MAP4K4: variants seen among roughly 807,000 people sequenced by gnomAD.
The protein encoded by MAP4K4 is HPK/GCK-like kinase HGK.
MAP4K4 carries 38 observed loss-of-function variants against 189.6 expected under a neutral mutation model. The observed-to-expected ratio is 0.20, with a 90% CI of 0.15 to 0.26. The LOEUF (loss-of-function observed/expected upper bound fraction) is 0.26, where lower values mean the gene tolerates loss of function less well. MAP4K4 is among the 10% of genes least tolerant of loss of function. The pLI, the probability that MAP4K4 is intolerant of heterozygous loss-of-function variation, is 1.00. For synonymous variants in MAP4K4, 610 were observed against 624.3 expected (o/e 0.98, Z 0.34); for missense variants, 1,054 against 1,726.9 (o/e 0.61, Z 6.91).
At chr2:101,848,669 G>A (rs1039314742) in intron 12 of MAP4K4, among the ~76,000 whole-genome samples, 26 of 152,090 alleles carry the variant, frequency 1.7e-4, no homozygotes, top group Non-Finnish European at 3.5e-4. Context: ...TGCAGGTGAG[G>A]GAGGGTGCTT....
chr2:101,848,004 G>A (rs1157417938), intron 12 of MAP4K4, among the ~76,000 whole-genome samples: 1 of 152,138 alleles, frequency 6.6e-6, no homozygotes, highest in East Asian at 1.9e-4. Context: ...ATTCAGTATA[G>A]TACCATCCTG....
intron 2 of MAP4K4, among the ~76,000 whole-genome samples, chr2:101,789,412 T>G (rs192840037): frequency 1.4e-4 from 21 of 152,296 alleles, no homozygotes; most frequent in Non-Finnish European, 2.2e-4. Flanking sequence ...TTGTGCCCCA[T>G]TTATTGTACA....
intron 15 of MAP4K4, chr2:101,860,130 T>C (rs1215305939): frequency 1.9e-6 from 1 of 521,396 alleles, no homozygotes; most frequent in African/African-American, 1.9e-5. Context: ...ACTAAAAGAT[T>C]ACATGACACA....
chr2:101,860,989 A>G lies in MAP4K4; in HGVS notation c.1866+3A>G. 1 of 1,588,810 alleles carries G rather than the reference A, an allele frequency of 6.3e-7. No individual in the cohort carries two copies. The highest frequency in any genetic ancestry group is 8.6e-7 in the Non-Finnish European group (1 of 1,167,968). On this transcript the variant is annotated splice_donor_region_variant and intron_variant, in intron 16 of 32. Coordinates refer to ENST00000324219, the Ensembl canonical transcript of MAP4K4. ...TGCAGAGACCAGCGGAGCCACAGGTAGCGACAGCCAGCTTTGCTGTGGTTG... is the reference window on the plus strand; with the variant it reads ...TGCAGAGACCAGCGGAGCCACAGGTGGCGACAGCCAGCTTTGCTGTGGTTG...
At chr2:101,884,724 A>G (rs573939142) in intron 28 of MAP4K4, among the ~76,000 whole-genome samples, 1 of 151,980 alleles carries the variant, frequency 6.6e-6, no homozygotes, top group East Asian at 1.9e-4. Context: ...TGTTGGTAGA[A>G]TTCAGGACTC....
intron 2 of MAP4K4, among the ~76,000 whole-genome samples, chr2:101,758,088 C>G (rs1323756781): frequency 6.6e-6 from 1 of 152,178 alleles, no homozygotes; most frequent in Admixed American, 6.5e-5. Flanking sequence ...TATGGGCTCT[C>G]TCAAAATATC....
At chr2:101,786,175 TCTAC>T in intron 2 of MAP4K4, among the ~76,000 whole-genome samples, 1 of 152,244 alleles carries the variant, frequency 6.6e-6, no homozygotes, top group Non-Finnish European at 1.5e-5. Context: ...TGCTGTTTCT[TCTAC>T]CTCTAGGCTC....
chr2:101,779,381 G>A (rs911172888), intron 2 of MAP4K4, among the ~76,000 whole-genome samples: 4 of 152,116 alleles, frequency 2.6e-5, no homozygotes, highest in Admixed American at 2.0e-4. Context: ...ATCTATTTAA[G>A]CCTTAGTAAA....
intron 26 of MAP4K4, among the ~76,000 whole-genome samples, chr2:101,875,571 G>A (rs2098177340): frequency 6.6e-6 from 1 of 152,116 alleles, no homozygotes; most frequent in Admixed American, 6.5e-5. Flanking sequence ...GGGTGTGGGT[G>A]GGTGTGGGCA....
At chr2:101,733,341 T>C (rs979731118) in intron 2 of MAP4K4, among the ~76,000 whole-genome samples, 1 of 152,178 alleles carries the variant, frequency 6.6e-6, no homozygotes, top group African/African-American at 2.4e-5. Flanking sequence ...CAAAAGGCTG[T>C]TACAGCTGAC....
In MAP4K4 at chr2:101,859,573, G is replaced by T. The variant is rs375945256; in HGVS notation, c.1483-70G>T. On this transcript the variant is annotated intron_variant, in intron 14 of 32. Transcript: ENST00000324219. Reference sequence around the variant, plus strand: ...TATATGGTCACTTTTTTTAAAAGCCGAACAAATCCAGAGAAGAGGCGAGCT... The same window carrying T: ...TATATGGTCACTTTTTTTAAAAGCCTAACAAATCCAGAGAAGAGGCGAGCT... The T allele has an allele frequency of 3.2e-4, 395 of 1,216,940 alleles. 5 individuals are homozygous for T. The South Asian group carries it at 5.6e-3, about 17-fold the overall frequency. The allele number at this position is 1,216,940 out of a possible 1,614,324, so 75.4% of individuals were successfully genotyped here. A position where few individuals can be genotyped will look rare whatever the true frequency, so the allele number is the denominator to read the frequency against.
chr2:101,775,412 C>A (rs529492870), intron 2 of MAP4K4, among the ~76,000 whole-genome samples: 1 of 151,656 alleles, frequency 6.6e-6, no homozygotes, highest in African/African-American at 2.4e-5. Flanking sequence ...GGTGGACTTG[C>A]CAGGAACCCT....
intron 27 of MAP4K4, among the ~76,000 whole-genome samples, chr2:101,881,780 T>C (rs745963800): frequency 1.4e-4 from 21 of 152,214 alleles, no homozygotes; most frequent in Non-Finnish European, 1.9e-4. Context: ...TCTGTTGATA[T>C]GATCATATGA....
intron 2 of MAP4K4, among the ~76,000 whole-genome samples, chr2:101,745,824 C>A (rs1262635137): frequency 6.6e-6 from 1 of 151,674 alleles, no homozygotes; most frequent in Admixed American, 6.6e-5. Flanking sequence ...AAACCCCTTA[C>A]AAAGTTTGTT....
exon 4 of MAP4K4, chr2:101,824,015 A>G (rs1427682991): frequency 6.2e-7 from 1 of 1,610,182 alleles, no homozygotes; most frequent in African/African-American, 1.3e-5. Flanking sequence ...TGGTGCTTTC[A>G]TCAAAAAGAG....
chr2:101,706,781 A>G (rs2042542402), intron 2 of MAP4K4, among the ~76,000 whole-genome samples: 1 of 152,120 alleles, frequency 6.6e-6, no homozygotes, highest in African/African-American at 2.4e-5. Context: ...TTACTATCTT[A>G]CTTTCCTGAA....
At chr2:101,852,645 T>A (rs2097323350) in intron 12 of MAP4K4, among the ~76,000 whole-genome samples, 1 of 152,182 alleles carries the variant, frequency 6.6e-6, no homozygotes, top group Admixed American at 6.5e-5. Context: ...GTATTTTGAA[T>A]TAAATTTATA....
chr2:101,841,228 C>G (rs1341714728), intron 10 of MAP4K4, among the ~76,000 whole-genome samples: 1 of 152,122 alleles, frequency 6.6e-6, no homozygotes, highest in Non-Finnish European at 1.5e-5. Context: ...CTTCCAGATA[C>G]CATTAGCCTC....
At chr2:101,712,155 T>C (rs1330086089) in intron 2 of MAP4K4, among the ~76,000 whole-genome samples, 2 of 151,974 alleles carry the variant, frequency 1.3e-5, no homozygotes, top group Non-Finnish European at 2.9e-5. Flanking sequence ...CACTTGGCCT[T>C]ATAGTTTTTT....
Sources: allele counts gnomAD v4.1 joint callset (sites outside exome capture counted in the v4.1 genomes callset), GRCh38; gene constraint gnomAD v4.1.1; transcripts MANE v1.5; gene names NCBI Gene and HGNC (gene_info 2026-07-23, HGNC 2026-07-21).